Variants in SLC12A3 observed in about 807,000 individuals in gnomAD.
The protein encoded by SLC12A3 is Na-Cl cotransporter.
Under a neutral mutation model 121.0 loss-of-function variants are expected in SLC12A3, and 104 were observed. That is an observed-to-expected ratio of 0.86 (90% CI 0.73 to 1.01). The LOEUF is 1.01. SLC12A3 is among the 50% of genes least tolerant of loss of function. The pLI is 0.00. For missense variants in SLC12A3, 1,328 were observed against 1,356.3 expected, an observed-to-expected ratio of 0.98 and a Z score of 0.33; for synonymous variants, 536 against 533.4, an observed-to-expected ratio of 1.00 and a Z score of -0.07.
chr16:56,902,355 C>A lies in SLC12A3; in HGVS notation c.2721-18C>A, dbSNP rs1231402268. On this transcript the variant is annotated intron_variant, in intron 23 of 25. Transcript: ENST00000563236. ...GGTTATCGTCTCAGCCGGCCTCAACCCACTTTCTCGTCCCCAGCACCAAGA... is the reference window on the plus strand; with the variant it reads ...GGTTATCGTCTCAGCCGGCCTCAACACACTTTCTCGTCCCCAGCACCAAGA... 6.2e-7 allele frequency: 1 copy of A among 1,614,072 alleles called. No individual in the cohort carries two copies.
intron 18 of SLC12A3, among the ~76,000 whole-genome samples, chr16:56,888,334 G>A (rs1310437110): frequency 6.6e-6 from 1 of 152,188 alleles, no homozygotes; most frequent in Non-Finnish European, 1.5e-5. Flanking sequence ...CGCTGAGGCT[G>A]AAGATGCCCG....
At position 56,913,335 on chromosome 16, in the gene SLC12A3, A is replaced by G; in HGVS notation, c.2996A>G (p.Gln999Arg). ...ATGGCCTGGCTGGAGACCCTGTCCC[A>G]GGACCTCAGACCTCCAGTCATCCTG... The part of the protein sequence containing the change: ...LYMAWLETLS[Q>R]DLRPPVILIR... The change falls in exon 26 of 26, where the codon CAG becomes CGG. Residue 999 changes from glutamine to arginine, a missense_variant. By Grantham distance (43) the Gln-to-Arg change is conservative. Transcript: ENST00000563236. The G allele has an allele frequency of 1.2e-6, 2 of 1,614,196 alleles. No individual in the cohort carries two copies. Among genetic ancestry groups the G allele is most frequent in the South Asian group, 2.2e-5 (2 of 91,088 alleles).
At chr16:56,911,075 G>A (rs1316556695) in intron 25 of SLC12A3, among the ~76,000 whole-genome samples, 1 of 152,214 alleles carries the variant, frequency 6.6e-6, no homozygotes, top group East Asian at 1.9e-4. Context: ...CCACCCCCAT[G>A]GTGCAGGCAC....
intron 20 of SLC12A3, 51 bp from the exon 21 acceptor site, chr16:56,892,902 C>T (rs969954047): frequency 2.7e-6 from 4 of 1,503,586 alleles, no homozygotes; most frequent in Non-Finnish European, 3.7e-6. Context: ...GCCAGGCCTG[C>T]CTGGATGCGC....
At position 56,913,363 on chromosome 16, in the gene SLC12A3, C is replaced by A; in HGVS notation, c.3024C>A (p.Ile1008=). The part of the protein sequence containing the change: ...SQDLRPPVIL[I]RGNQENVLTF... ...ACCTCAGACCTCCAGTCATCCTGAT[C>A]CGAGGAAACCAGGAAAACGTGCTCA... Residue 1008 remains isoleucine, a synonymous_variant, in exon 26 of 26, where the codon ATC becomes ATA. Coordinates refer to ENST00000563236, the MANE Select transcript of SLC12A3 (RefSeq NM_001126108.2). The A allele has an allele frequency of 6.2e-7, 1 of 1,614,134 alleles. No individual in the cohort carries two copies. Among genetic ancestry groups the A allele is most frequent in the Non-Finnish European group, 8.5e-7 (1 of 1,179,996 alleles).
intron 8 of SLC12A3, among the ~76,000 whole-genome samples, chr16:56,874,114 T>TG (rs2144699247): frequency 6.6e-6 from 1 of 152,362 alleles, no homozygotes; most frequent in Non-Finnish European, 1.5e-5. Context: ...GCGTATCTGT[T>TG]GCCCCGGCAT....
chr16:56,880,553 C>T (rs1311174267), intron 12 of SLC12A3, among the ~76,000 whole-genome samples: 1 of 152,178 alleles, frequency 6.6e-6, no homozygotes, highest in Non-Finnish European at 1.5e-5. Flanking sequence ...GTTCACATGT[C>T]CTGGCAGCTA....
intron 22 of SLC12A3, among the ~76,000 whole-genome samples, chr16:56,895,998 G>A (rs573583586): frequency 1.3e-5 from 2 of 152,258 alleles, no homozygotes; most frequent in African/African-American, 2.4e-5. Flanking sequence ...TAATGAAAGC[G>A]ATGAGGAGCT....
At chr16:56,908,512 T>C (rs530140719) in intron 25 of SLC12A3, among the ~76,000 whole-genome samples, 18 of 152,214 alleles carry the variant, frequency 1.2e-4, no homozygotes, top group Admixed American at 6.5e-4. Context: ...TTTTCTTGTG[T>C]GACTTAAGGC....
At chr16:56,902,531 G>GCCCA in intron 24 of SLC12A3, 23 bp downstream of exon 24, 2 of 714,560 alleles carry the variant, frequency 2.8e-6, no homozygotes, top group Non-Finnish European at 4.8e-6. Context: ...GTGGGGGTGG[G>GCCCA]AAACGCGACA....
chr16:56,905,329 A>G (rs2055592912), intron 25 of SLC12A3, among the ~76,000 whole-genome samples: 2 of 130,510 alleles, frequency 1.5e-5, no homozygotes, highest in African/African-American at 6.7e-5. Flanking sequence ...CAAGAGCGAA[A>G]CTCCGTCTCA....
At chr16:56,869,592 A>T in intron 3 of SLC12A3, 137 bp from the exon 4 acceptor site, 1 of 750,642 alleles carries the variant, frequency 1.3e-6, no homozygotes, top group Non-Finnish European at 2.3e-6. Context: ...TCCCAAAGTG[A>T]CAGAGACCCA....
At chr16:56,866,615 G>C (rs1029425519) in intron 1 of SLC12A3, among the ~76,000 whole-genome samples, 1 of 152,104 alleles carries the variant, frequency 6.6e-6, no homozygotes, top group African/African-American at 2.4e-5. Flanking sequence ...CTCTCCTAGG[G>C]GGAGGAGGTG....
Position 56,904,402 on chromosome 16 carries a change from G to A in SLC12A3, c.2864G>A (p.Arg955Gln), listed in dbSNP as rs202114767. Residue 955 changes from arginine (R) to glutamine (Q), a missense_variant, in exon 25 of 26, where the codon CGG becomes CAG. Physicochemically the swap from Arg to Gln is conservative, Grantham distance 43 (BLOSUM62 1). Transcript: ENST00000563236. ...EITKNRVKSL[R>Q]QVRLNEIVLD... is the part of the protein sequence containing the mutation. ...CGGCTTTCTCCCGCCCAGTCCCTTC[G>A]GCAGGTGAGGCTGAATGAGATTGTG... 1.2e-4 allele frequency: 192 copies of A among 1,613,828 alleles called. No individual in the cohort carries two copies. The highest frequency in any genetic ancestry group is 2.9e-4 in the East Asian group (13 of 44,892).
At chr16:56,883,696 C>T (rs1212337041) in intron 13 of SLC12A3, among the ~76,000 whole-genome samples, 1 of 152,192 alleles carries the variant, frequency 6.6e-6, no homozygotes, top group African/African-American at 2.4e-5. Context: ...AGTGGCAGCC[C>T]TGGCCTGACC....
chr16:56,866,984 CGCAGTGGT>C (rs1964369587), intron 1 of SLC12A3, 78 bp from the exon 2 acceptor site: 17 of 1,560,390 alleles, frequency 1.1e-5, no homozygotes, highest in Non-Finnish European at 1.2e-5. Flanking sequence ...CGGTATGGGG[CGCAGTGGT>C]GCAGGTCAGT....
chr16:56,882,411 T>C lies in SLC12A3; in HGVS notation c.1583T>C (p.Ile528Thr). 1.9e-6 allele frequency: 3 copies of C among 1,614,042 alleles called. No individual in the cohort carries two copies. Among genetic ancestry groups the C allele is most frequent in the Non-Finnish European group, 2.5e-6 (3 of 1,179,898 alleles). Reference sequence around the variant, plus strand: ...GTCCCCGAAGCTGAGCTCAACACCATAGCCCCCATCATTTCCAACTTCTTC... The same window carrying C: ...GTCCCCGAAGCTGAGCTCAACACCACAGCCCCCATCATTTCCAACTTCTTC... ...AFIIIAELNT[I>T]APIISNFFLC... is the part of the protein sequence containing the mutation. The change falls in exon 13 of 26, where the codon ATA (isoleucine) becomes ACA (threonine). Residue 528 changes from isoleucine to threonine, a missense_variant. Coordinates refer to ENST00000563236, the MANE Select transcript of SLC12A3 (RefSeq NM_001126108.2).
chr16:56,902,098 C>T (rs1248331035), intron 23 of SLC12A3: 9 of 478,428 alleles, frequency 1.9e-5, no homozygotes, highest in Non-Finnish European at 3.1e-5. Flanking sequence ...TAGCACAGAG[C>T]CTGGTACAGA....
chr16:56,885,946 CT>C (rs1406827661), intron 15 of SLC12A3, among the ~76,000 whole-genome samples: 25 of 152,202 alleles, frequency 1.6e-4, no homozygotes, highest in African/African-American at 6.0e-4. Flanking sequence ...CCGATTAAGT[CT>C]GGCTCCAGTT....
Sources: allele counts gnomAD v4.1 joint callset (sites outside exome capture counted in the v4.1 genomes callset), GRCh38; gene constraint gnomAD v4.1.1; transcripts MANE v1.5; gene names NCBI Gene and HGNC (gene_info 2026-07-23, HGNC 2026-07-21).